AGBL5: variants seen among roughly 807,000 people sequenced by gnomAD.
AGBL5 encodes the protein cytosolic carboxypeptidase-like protein 5.
A neutral mutation model predicts 88.0 loss-of-function variants in AGBL5; 51 were observed. That is an observed-to-expected ratio of 0.58 (90% confidence interval 0.46 to 0.73). The LOEUF (loss-of-function observed/expected upper bound fraction) is 0.73, where lower values mean the gene tolerates loss of function less well. AGBL5 is among the 30% of genes least tolerant of loss of function. The probability of loss-of-function intolerance (pLI) is 0.00; values close to 1 mark genes in which losing one functional copy is unlikely to be tolerated. For synonymous variants in AGBL5, 446 were observed against 438.8 expected, an observed-to-expected ratio of 1.02 and a Z score of -0.21; for missense variants, 1,031 against 1,162.2, an observed-to-expected ratio of 0.89 and a Z score of 1.64.
At chr2:27,052,011 T>G (rs1668179017) in intron 1 of AGBL5, 1 of 152,548 alleles carries the variant, frequency 6.6e-6, no homozygotes, top group South Asian at 2.1e-4. Flanking sequence ...GGAGCCCGTC[T>G]CGACCCCTTC....
At chr2:27,054,931 G>A in intron 5 of AGBL5, 124 bp downstream of exon 5, 4 of 1,489,930 alleles carry the variant, frequency 2.7e-6, no homozygotes, top group Non-Finnish European at 3.6e-6. Flanking sequence ...CGTGCGGCAA[G>A]GGTGATGGCC....
intron 11 of AGBL5, among the ~76,000 whole-genome samples, chr2:27,060,142 C>G (rs1668643201): frequency 6.6e-6 from 1 of 152,196 alleles, no homozygotes; most frequent in Non-Finnish European, 1.5e-5. Context: ...GAGCAAGACT[C>G]TGCCTCAAAA....
chr2:27,064,983 G>A (rs551677719), intron 11 of AGBL5, among the ~76,000 whole-genome samples: 1 of 150,984 alleles, frequency 6.6e-6, no homozygotes, highest in East Asian at 2.0e-4. Context: ...TCGAACTCCC[G>A]AACTCAGTGA....
Position 27,070,316 on chromosome 2 carries a change from G to A in AGBL5, c.*53G>A. The A allele has an allele frequency of 6.3e-7, 1 of 1,577,684 alleles. No individual in the cohort carries two copies. The highest frequency in any genetic ancestry group is 8.7e-7 in the Non-Finnish European group (1 of 1,148,578). On this transcript the variant is annotated 3_prime_UTR_variant, in exon 15 of 15. Coordinates refer to ENST00000360131, the MANE Select transcript of AGBL5 (RefSeq NM_021831.6). ...ATAGCCCCAAGATGGGGTAACAGTG[G>A]GAAATATGCTAGTTCCCCTCCAGGC... is the stretch of plus-strand genomic sequence containing the variant.
In AGBL5 at chr2:27,054,961, C is replaced by G. The variant is rs977035353; in HGVS notation, c.730-114C>G. The G allele has an allele frequency of 4.0e-6, 6 of 1,488,126 alleles. No individual in the cohort carries two copies. The East Asian group carries it at 9.1e-5, about 23-fold the overall frequency. 92.2% of individuals were successfully genotyped at this position (1,488,126 alleles called of 1,614,324 possible). On this transcript the variant is annotated intron_variant, in intron 5 of 14. Coordinates refer to ENST00000360131, the MANE Select transcript of AGBL5 (RefSeq NM_021831.6). Reference sequence around the variant, plus strand: ...ATGGCCCCTGCTCCACTTGCAGATTCAGCCAGCTGGAAATCCAGCGGCTAT... The same window carrying G: ...ATGGCCCCTGCTCCACTTGCAGATTGAGCCAGCTGGAAATCCAGCGGCTAT...
rs1257929375 is a variant in AGBL5 at position 27,052,930 on chromosome 2, G to GA, written c.-29_-28insA. On this transcript the variant is annotated 5_prime_UTR_variant, in exon 2 of 15. Transcript: ENST00000360131. ...TCCCCCAGCTCTCAGGGCCAGAGCGGGGCAGGAGGATGCTTTCCCAGCCCC... is the reference window on the plus strand; with the variant it reads ...TCCCCCAGCTCTCAGGGCCAGAGCGGAGGCAGGAGGATGCTTTCCCAGCCCC... 57 of 1,563,780 alleles carry GA rather than the reference G, an allele frequency of 3.6e-5. No individual in the cohort carries two copies. The highest frequency in any genetic ancestry group is 4.7e-5 in the Non-Finnish European group (54 of 1,148,188).
Position 27,070,385 on chromosome 2 carries a change from C to T in AGBL5, c.*122C>T. The T allele has an allele frequency of 9.7e-7, 1 of 1,033,878 alleles. No individual in the cohort carries two copies. The highest frequency in any genetic ancestry group is 1.5e-6 in the Non-Finnish European group (1 of 687,910). The allele number at this position is 1,033,878 out of a possible 1,614,324, so 64.0% of individuals were successfully genotyped here. A position where few individuals can be genotyped will look rare whatever the true frequency, so the allele number is the denominator to read the frequency against. ...GCCGTTAAGTCCTTGGAATGCCAGC[C>T]ACGCTGTCCAAGGCATTACAGAGTA... On this transcript the variant is annotated 3_prime_UTR_variant, in exon 15 of 15. Coordinates refer to ENST00000360131, the MANE Select transcript of AGBL5 (RefSeq NM_021831.6).
chr2:27,057,725 GT>G (rs1412742475), intron 9 of AGBL5, among the ~76,000 whole-genome samples: 2 of 152,254 alleles, frequency 1.3e-5, no homozygotes, highest in East Asian at 3.9e-4. Flanking sequence ...GGATTTATTA[GT>G]TTCTGGGCTC....
chr2:27,057,052 C>T (rs979917125), intron 8 of AGBL5: 4 of 554,838 alleles, frequency 7.2e-6, no homozygotes, highest in African/African-American at 1.9e-5. Flanking sequence ...GAGGGAACCA[C>T]CTTAGTCTTC....
chr2:27,061,238 T>A (rs1297873431), intron 11 of AGBL5: 1 of 145,832 alleles, frequency 6.9e-6, no homozygotes, highest in African/African-American at 2.5e-5. Flanking sequence ...TAATTTTTTT[T>A]TTTTTTTTTT....
chr2:27,064,879 G>A (rs1668909977), intron 11 of AGBL5, among the ~76,000 whole-genome samples: 1 of 150,178 alleles, frequency 6.7e-6, no homozygotes, highest in Non-Finnish European at 1.5e-5. Flanking sequence ...TCAGCCTCTG[G>A]AGTAGCTGGG....
upstream of AGBL5, chr2:27,051,554 G>C (rs1384309154): frequency 1.6e-4 from 25 of 152,304 alleles, no homozygotes; most frequent in Non-Finnish European, 2.9e-5. Context: ...CACTCGCTCA[G>C]GTACCCACTA....
chr2:27,067,848 T>G (rs1669073938), intron 12 of AGBL5: 1 of 678,386 alleles, frequency 1.5e-6, no homozygotes, highest in Non-Finnish European at 2.7e-6. Flanking sequence ...TACTGAACAT[T>G]TACTATGTGC....
chr2:27,068,965 C>G, intron 13 of AGBL5: 2 of 1,489,110 alleles, frequency 1.3e-6, no homozygotes, highest in Non-Finnish European at 1.8e-6. Flanking sequence ...AACCTGTGTC[C>G]CTGCCAGATA....
At chr2:27,057,539 A>G in intron 9 of AGBL5, 101 bp downstream of exon 9, 1 of 1,340,442 alleles carries the variant, frequency 7.5e-7, no homozygotes, top group Non-Finnish European at 1.0e-6. Flanking sequence ...AGAGATATTC[A>G]TCACTATGGC....
rs944355821 is a variant in AGBL5, at chr2:27,057,402, T to C, written c.1635T>C (p.Ala545=). 3.1e-6 allele frequency: 5 copies of C among 1,613,514 alleles called. No homozygotes were observed. The highest frequency in any genetic ancestry group is 2.2e-5 in the South Asian group (2 of 90,962). ...NGRASPPPPP[A]FPSRYTVELF... ...GTGCCAGCCCCCCTCCCCCGCCGGC[T>C]TTCCCCTCCAGATACACTGTGGAAC... is the stretch of plus-strand genomic sequence containing the variant. The change falls in exon 9 of 15, where the codon GCT becomes GCC. Residue 545 remains alanine, a synonymous_variant. Transcript: ENST00000360131.
rs1482737866 is a variant in AGBL5, at chr2:27,070,265, A to G, written c.*2A>G. ...CTGACTGTTTCTCCCCGGGTCTGAT[A>G]ATGCCTTTATGTTCAAGCCCAGGAT... On this transcript the variant is annotated 3_prime_UTR_variant, in exon 15 of 15. Transcript: ENST00000360131. The G allele has an allele frequency of 6.2e-7, 1 of 1,614,106 alleles. No individual in the cohort carries two copies. The highest frequency in any genetic ancestry group is 8.5e-7 in the Non-Finnish European group (1 of 1,179,954).
At chr2:27,062,284 C>T (rs1386396100) in intron 11 of AGBL5, 1 of 151,948 alleles carries the variant, frequency 6.6e-6, no homozygotes, top group Non-Finnish European at 1.5e-5. Flanking sequence ...CCACCACACC[C>T]GCTAATTTTT....
chr2:27,060,193 A>G (rs776453302), intron 11 of AGBL5, among the ~76,000 whole-genome samples: 8 of 152,218 alleles, frequency 5.3e-5, no homozygotes, highest in Non-Finnish European at 1.0e-4. Context: ...TAACTCTTCC[A>G]AAGAAAAATG....
Sources: gnomAD v4.1 joint callset for allele counts (sites outside exome capture counted in the v4.1 genomes callset) on GRCh38, gnomAD v4.1.1 for gene constraint, MANE v1.5 for transcripts, NCBI Gene and HGNC (gene_info 2026-07-23, HGNC 2026-07-21) for gene names.